Variants in LARS2 observed in about 807,000 individuals in gnomAD.
LARS2 encodes the protein leucyl-tRNA synthetase 2, mitochondrial, also known as leucine--tRNA ligase, mitochondrial.
In LARS2, 81 loss-of-function variants were observed where a neutral mutation model predicts 116.6. That is an observed-to-expected ratio of 0.69 (90% CI 0.58 to 0.84). LARS2 has a LOEUF of 0.84. LARS2 is among the 40% of genes least tolerant of loss of function. The pLI is 0.00. For synonymous variants in LARS2, 396 were observed against 407.2 expected (o/e 0.97, Z 0.33); for missense variants, 968 against 1,114.5 (o/e 0.87, Z 1.87).
rs2125715006 is a variant in LARS2, at chr3:45,468,213, A to T, written c.751-6030A>T. On this transcript the variant is annotated intron_variant, in intron 8 of 21. Transcript: ENST00000645846. ...TTAGACCTGAGTGTCTTAGAAAGGG[A>T]TGGTCTTATGTTCTTGCAAATATTC... is the stretch of plus-strand genomic sequence containing the variant. Among the ~76,000 whole-genome samples, 2 of 152,276 alleles carry T rather than the reference A, an allele frequency of 1.3e-5. 1 individual carries two copies. Among genetic ancestry groups the T allele is most frequent in the South Asian group, 4.1e-4 (2 of 4,824 alleles).
chr3:45,471,040 TAAAAAAAAAAA>T (rs55749404), intron 8 of LARS2, among the ~76,000 whole-genome samples: 2 of 43,854 alleles, frequency 4.6e-5, no homozygotes, highest in African/African-American at 1.9e-4. Flanking sequence ...ATTACAACAC[TAAAAAAAAAAA>T]AAAAAAAAAA....
In LARS2 at chr3:45,494,769, T is replaced by A. The variant is rs529276413; in HGVS notation, c.1524-1506T>A. ...CAGGCCCACAACTCTAGGAATGTTC[T>A]TAAGAATGAGTGTAGCAGCTGGGCA... On this transcript the variant is annotated intron_variant, in intron 13 of 21. Coordinates refer to ENST00000645846, the MANE Select transcript of LARS2 (RefSeq NM_015340.4). Among the ~76,000 whole-genome samples the A allele has an allele frequency of 3.3e-5, 5 of 152,224 alleles. No homozygotes were observed. The South Asian group carries it at 1.0e-3, about 32-fold the overall frequency.
chr3:45,478,764 C>G (rs925587165), intron 10 of LARS2, among the ~76,000 whole-genome samples: 2 of 152,092 alleles, frequency 1.3e-5, no homozygotes, highest in African/African-American at 4.8e-5. Context: ...TTGCAGATGT[C>G]AATATATTCA....
At chr3:45,394,813 C>G in intron 3 of LARS2, 126 bp downstream of exon 3, 5 of 653,650 alleles carry the variant, frequency 7.6e-6, no homozygotes, top group Non-Finnish European at 1.3e-5. Flanking sequence ...TTGAATTTCT[C>G]TGTGCTTCAA....
At chr3:45,515,712 A>G (rs575705531) in intron 16 of LARS2, among the ~76,000 whole-genome samples, 18 of 152,326 alleles carry the variant, frequency 1.2e-4, no homozygotes, top group African/African-American at 4.3e-4. Context: ...GCCAACTTCC[A>G]TAAGAGACCC....
At chr3:45,504,783 A>G (rs1238126589) in intron 15 of LARS2, among the ~76,000 whole-genome samples, 3 of 148,148 alleles carry the variant, frequency 2.0e-5, no homozygotes, top group Admixed American at 6.7e-5. Flanking sequence ...TTTTTTTTTT[A>G]AGAAATTGAG....
At chr3:45,425,025 A>G (rs933940020) in intron 6 of LARS2, among the ~76,000 whole-genome samples, 4 of 152,010 alleles carry the variant, frequency 2.6e-5, no homozygotes, top group African/African-American at 9.7e-5. Flanking sequence ...TTGTATTTTT[A>G]GATTTATTAT....
rs757923404 is a variant in LARS2, at chr3:45,403,819, G to T, written c.363+3446G>T. On this transcript the variant is annotated intron_variant, in intron 4 of 21. Transcript: ENST00000645846. ...TAAGGTCAGGCTAGACCCAGAAATT[G>T]AACAACCTAGATTTGAACCTACCAC... Among the ~76,000 whole-genome samples the T allele has an allele frequency of 9.2e-5, 14 of 151,966 alleles. No homozygotes were observed. In the South Asian group the frequency reaches 2.7e-3, roughly 30 times the overall value.
At chr3:45,498,844 C>G (rs988823542) in intron 14 of LARS2, among the ~76,000 whole-genome samples, 1 of 152,146 alleles carries the variant, frequency 6.6e-6, no homozygotes, top group Non-Finnish European at 1.5e-5. Flanking sequence ...TATGAGAAAG[C>G]CTTTCTATTA....
chr3:45,501,825 G>A (rs913412180), intron 15 of LARS2, among the ~76,000 whole-genome samples: 3 of 152,088 alleles, frequency 2.0e-5, no homozygotes, highest in South Asian at 2.1e-4. Context: ...ACTCTACGTC[G>A]TCATCAACAT....
At chr3:45,418,300 C>T (rs1237937783) in intron 5 of LARS2, among the ~76,000 whole-genome samples, 2 of 152,224 alleles carry the variant, frequency 1.3e-5, no homozygotes, top group African/African-American at 4.8e-5. Flanking sequence ...TCTTACCTGT[C>T]TTTGTTCTAG....
At chr3:45,421,402 C>T (rs957776668) in intron 6 of LARS2, 1 of 152,178 alleles carries the variant, frequency 6.6e-6, no homozygotes. Context: ...TTCTGAGGCA[C>T]ATTTGGCTGA....
At chr3:45,508,739 T>C (rs1207161091) in intron 15 of LARS2, among the ~76,000 whole-genome samples, 2 of 151,934 alleles carry the variant, frequency 1.3e-5, no homozygotes, top group East Asian at 3.9e-4. Context: ...ATTAGCACAT[T>C]CCTTGTATAT....
intron 5 of LARS2, among the ~76,000 whole-genome samples, chr3:45,418,812 C>T (rs1273744584): frequency 6.6e-6 from 1 of 152,214 alleles, no homozygotes; most frequent in Non-Finnish European, 1.5e-5. Context: ...CAAATCCTGC[C>T]TTCCCTTCTT....
intron 6 of LARS2, among the ~76,000 whole-genome samples, chr3:45,425,037 A>C (rs886962526): frequency 5.9e-5 from 9 of 151,460 alleles, no homozygotes; most frequent in Admixed American, 4.6e-4. Context: ...ATTTATTATT[A>C]TTTTTCCTTA....
chr3:45,530,753 C>A (rs1243502527), intron 20 of LARS2, among the ~76,000 whole-genome samples: 1 of 152,162 alleles, frequency 6.6e-6, no homozygotes, highest in Non-Finnish European at 1.5e-5. Context: ...TTGAATTGTA[C>A]ATTGTGCTTC....
chr3:45,479,005 G>A (rs773462160), intron 10 of LARS2, among the ~76,000 whole-genome samples: 7 of 151,968 alleles, frequency 4.6e-5, no homozygotes, highest in Non-Finnish European at 8.8e-5. Context: ...TTCATTGAAT[G>A]TCAGATTTTA....
At chr3:45,526,398 A>G (rs1389119147) in intron 20 of LARS2, among the ~76,000 whole-genome samples, 1 of 152,206 alleles carries the variant, frequency 6.6e-6, no homozygotes, top group East Asian at 1.9e-4. Flanking sequence ...GAAAACATAA[A>G]GAAAGCCTGT....
intron 1 of LARS2, among the ~76,000 whole-genome samples, chr3:45,390,634 A>ATTATTTATTTAT (rs373874105): frequency 0.012 from 1,748 of 140,436 alleles, 32 homozygotes; most frequent in African/African-American, 0.037. Context: ...TTTTATTTTT[A>ATTATTTATTTAT]TTATTTATTT....
Sources: gnomAD v4.1 joint callset for allele counts (sites outside exome capture counted in the v4.1 genomes callset) on GRCh38, gnomAD v4.1.1 for gene constraint, MANE v1.5 for transcripts, NCBI Gene and HGNC (gene_info 2026-07-23, HGNC 2026-07-21) for gene names.